The following OLFML2B variants were observed in gnomAD, a reference collection of about 807,000 sequenced individuals.
OLFML2B encodes the protein olfactomedin-like protein 2B.
Under a neutral mutation model 74.9 loss-of-function variants are expected in OLFML2B, and 57 were observed. The observed-to-expected ratio is 0.76, with a 90% confidence interval of 0.61 to 0.95. The LOEUF (loss-of-function observed/expected upper bound fraction) is 0.95. Among genes scored for constraint, OLFML2B ranks in the 40% least tolerant of loss-of-function variants. The probability of loss-of-function intolerance (pLI) is 0.00; values close to 1 mark genes in which losing one functional copy is unlikely to be tolerated. For synonymous variants in OLFML2B, 388 were observed against 405.8 expected (o/e 0.96, Z 0.53); for missense variants, 986 against 970.6 (o/e 1.02, Z -0.21).
chr1:161,987,291 G>A (rs562390022), intron 6 of OLFML2B, among the ~76,000 whole-genome samples: 1 of 152,194 alleles, frequency 6.6e-6, no homozygotes, highest in Non-Finnish European at 1.5e-5. Flanking sequence ...AATCCCTGGA[G>A]CCTGTGATTG....
chr1:162,023,354 G>C lies in OLFML2B; in HGVS notation c.77C>G (p.Thr26Arg), dbSNP rs368276588. The C allele has an allele frequency of 1.2e-6, 2 of 1,607,928 alleles. No individual in the cohort carries two copies. Among genetic ancestry groups the C allele is most frequent in the Non-Finnish European group, 1.7e-6 (2 of 1,176,280 alleles). The change falls in exon 1 of 8, where the codon ACA becomes AGA. Residue 26 changes from threonine (T) to arginine (R), a missense_variant. Transcript: ENST00000294794. ...CGCATCTGGGGGCTCGCTTGTCCCT[G>C]TGAGGACAATGCTGGACACCCAGGC... Reference protein sequence around the residue: ...VPAWVSSIVLTGTSEPPDAQT... With the variant: ...VPAWVSSIVLRGTSEPPDAQT...
rs1341230963 is a variant in OLFML2B, at chr1:162,023,574, C to A, written c.-144G>T. ...CCTTCTAAAGCTGGGTGCGGCTGAG[C>A]GGGACGGGAGGGTGCGCCCCAGAGA... On this transcript the variant is annotated 5_prime_UTR_variant, in exon 1 of 8. Coordinates refer to ENST00000294794, the MANE Select transcript of OLFML2B (RefSeq NM_015441.3). 25 of 781,244 alleles carry A rather than the reference C, an allele frequency of 3.2e-5. No homozygotes were observed. Among genetic ancestry groups the A allele is most frequent in the Non-Finnish European group, 4.4e-5 (24 of 541,352 alleles). 48.4% of individuals were successfully genotyped at this position (781,244 alleles called of 1,614,324 possible).
chr1:161,999,990 A>G, intron 5 of OLFML2B, 123 bp downstream of exon 5: 1 of 747,208 alleles, frequency 1.3e-6, no homozygotes, highest in African/African-American at 1.7e-5. Context: ...ACAGGGCCAC[A>G]GCAGTAATTG....
intron 6 of OLFML2B, among the ~76,000 whole-genome samples, chr1:161,991,368 T>C (rs1293178990): frequency 6.6e-6 from 1 of 152,214 alleles, no homozygotes; most frequent in Non-Finnish European, 1.5e-5. Flanking sequence ...CATGACAGCA[T>C]TCATCTCCTT....
chr1:162,011,947 C>T (rs1690402184), intron 3 of OLFML2B, among the ~76,000 whole-genome samples: 1 of 152,188 alleles, frequency 6.6e-6, no homozygotes, highest in Admixed American at 6.5e-5. Flanking sequence ...CTTTATATCC[C>T]ACAATTGCAA....
At chr1:162,018,451 T>C (rs1690608849) in intron 2 of OLFML2B, among the ~76,000 whole-genome samples, 1 of 152,222 alleles carries the variant, frequency 6.6e-6, no homozygotes, top group African/African-American at 2.4e-5. Context: ...AATTTCATTG[T>C]CTACTAAAGG....
At chr1:162,017,561 A>G (rs1384344410) in intron 2 of OLFML2B, 54 bp from the exon 3 acceptor site, 1 of 1,355,740 alleles carries the variant, frequency 7.4e-7, no homozygotes. Context: ...GACACAGGGC[A>G]GAGTTTCCTT....
intron 4 of OLFML2B, among the ~76,000 whole-genome samples, 165 bp downstream of exon 4, chr1:162,006,132 G>A (rs1690222176): frequency 6.6e-6 from 1 of 152,144 alleles, no homozygotes; most frequent in Non-Finnish European, 1.5e-5. Flanking sequence ...GTAAAATGGA[G>A]TCAACTGCTC....
intron 2 of OLFML2B, 107 bp from the exon 3 acceptor site, chr1:162,017,614 A>C (rs1690579848): frequency 2.8e-6 from 2 of 712,804 alleles, no homozygotes; most frequent in Non-Finnish European, 4.6e-6. Context: ...GCCACTAGCC[A>C]GGAATTGAGA....
intron 3 of OLFML2B, among the ~76,000 whole-genome samples, chr1:162,014,459 T>C (rs182935007): frequency 3.9e-5 from 6 of 152,322 alleles, no homozygotes; most frequent in Non-Finnish European, 5.9e-5. Flanking sequence ...CTGCCAACCA[T>C]TGATCTTACT....
At chr1:162,017,309 C>A (rs1385062640) in intron 3 of OLFML2B, 91 bp downstream of exon 3, 5 of 904,838 alleles carry the variant, frequency 5.5e-6, no homozygotes, top group African/African-American at 3.3e-5. Flanking sequence ...GTCTAGTCAG[C>A]ACATGTGCTA....
rs544842439 is a variant in OLFML2B at position 162,000,254 on chromosome 1, G to C, written c.808C>G (p.Pro270Ala). Residue 270 changes from proline (P) to alanine (A), a missense_variant, in exon 5 of 8, where the codon CCT (proline) becomes GCT (alanine). By Grantham distance (27) the Pro-to-Ala change is conservative. Coordinates refer to ENST00000294794, the MANE Select transcript of OLFML2B (RefSeq NM_015441.3). ...ELLQTRPLALPEVVKSQRPLQ... is the reference protein window; with the variant it reads ...ELLQTRPLALAEVVKSQRPLQ... ...GGCCGCTGTGACTTCACCACCTCAG[G>C]CAGAGCCAGGGGTCGCGTCTGCAGA... 4.3e-6 allele frequency: 7 copies of C among 1,613,810 alleles called. No individual in the cohort carries two copies. The African/African-American group carries it at 9.3e-5, about 21-fold the overall frequency.
intron 4 of OLFML2B, among the ~76,000 whole-genome samples, chr1:162,005,902 CA>C (rs71093139): frequency 0.14 from 10,761 of 77,358 alleles, 561 homozygotes; most frequent in South Asian, 0.25. Flanking sequence ...TGGAACCTAT[CA>C]AAAAAAAAAA....
intron 6 of OLFML2B, among the ~76,000 whole-genome samples, chr1:161,990,030 G>A (rs1042510452): frequency 6.6e-6 from 1 of 152,186 alleles, no homozygotes; most frequent in Admixed American, 6.5e-5. Flanking sequence ...AAATTGATAC[G>A]AAAGAAGAGG....
At chr1:162,014,358 T>C (rs947153637) in intron 3 of OLFML2B, among the ~76,000 whole-genome samples, 4 of 152,216 alleles carry the variant, frequency 2.6e-5, no homozygotes, top group Admixed American at 6.5e-5. Context: ...TCCTTCCTCT[T>C]TCATCTGCAA....
intron 6 of OLFML2B, among the ~76,000 whole-genome samples, chr1:161,995,401 T>G (rs751267592): frequency 1.3e-5 from 2 of 152,256 alleles, no homozygotes; most frequent in African/African-American, 4.8e-5. Flanking sequence ...ATGATGATGC[T>G]ATTCTAGTTA....
chr1:161,992,353 T>C (rs1379376863), intron 6 of OLFML2B, among the ~76,000 whole-genome samples: 1 of 152,266 alleles, frequency 6.6e-6, no homozygotes, highest in East Asian at 1.9e-4. Context: ...TGTCTTTTTA[T>C]CCAGACCACT....
chr1:161,986,884 G>A (rs984907374), intron 6 of OLFML2B, among the ~76,000 whole-genome samples: 1 of 152,250 alleles, frequency 6.6e-6, no homozygotes, highest in Admixed American at 6.5e-5. Flanking sequence ...GCCATGAGGT[G>A]AGGTGTTTTC....
chr1:161,991,390 T>C (rs1394451914), intron 6 of OLFML2B, among the ~76,000 whole-genome samples: 3 of 152,220 alleles, frequency 2.0e-5, no homozygotes. Context: ...CACATCTCCA[T>C]GAGAGCTTTT....
Sources: gnomAD v4.1 joint callset for allele counts (sites outside exome capture counted in the v4.1 genomes callset) on GRCh38, gnomAD v4.1.1 for gene constraint, MANE v1.5 for transcripts, NCBI Gene and HGNC (gene_info 2026-07-23, HGNC 2026-07-21) for gene names.